The following MUSK variants were observed in gnomAD, a reference collection of about 807,000 sequenced individuals.
MUSK encodes muscle, skeletal receptor tyrosine-protein kinase.
A neutral mutation model predicts 88.7 loss-of-function variants in MUSK; 55 were observed. The observed-to-expected ratio is 0.62, with a 90% CI of 0.50 to 0.78. The LOEUF (loss-of-function observed/expected upper bound fraction) is 0.78, where lower values mean the gene tolerates loss of function less well. MUSK is among the 30% of genes least tolerant of loss of function. The pLI, the probability that MUSK is intolerant of heterozygous loss-of-function variation, is 0.00. For missense variants in MUSK, 1,015 were observed against 1,074.3 expected (o/e 0.94, Z 0.77); for synonymous variants, 387 against 391.9 (o/e 0.99, Z 0.15).
chr9:110,784,641 T>C (rs2077821189), intron 11 of MUSK, among the ~76,000 whole-genome samples, 174 bp from the exon 12 acceptor site: 2 of 152,194 alleles, frequency 1.3e-5, no homozygotes, highest in South Asian at 4.1e-4. Context: ...TATTATTCTA[T>C]AAGCTGGATT....
At chr9:110,741,987 T>C (rs1362908105) in intron 6 of MUSK, among the ~76,000 whole-genome samples, 1 of 152,224 alleles carries the variant, frequency 6.6e-6, no homozygotes, top group Non-Finnish European at 1.5e-5. Context: ...GCTAATGTTC[T>C]CTAATTTTGT....
intron 2 of MUSK, 113 bp downstream of exon 2, chr9:110,682,913 A>G: frequency 1.5e-6 from 1 of 684,424 alleles, no homozygotes; most frequent in Non-Finnish European, 2.3e-6. Flanking sequence ...ATGCAATGTA[A>G]AATAAGTACC....
intron 11 of MUSK, among the ~76,000 whole-genome samples, chr9:110,779,948 TA>T (rs2077725791): frequency 6.6e-6 from 1 of 152,190 alleles, no homozygotes; most frequent in Non-Finnish European, 1.5e-5. Context: ...CTTTTAGCTT[TA>T]AATTTCTAGT....
chr9:110,724,549 A>G (rs937550572), intron 5 of MUSK, among the ~76,000 whole-genome samples: 1 of 152,044 alleles, frequency 6.6e-6, no homozygotes, highest in African/African-American at 2.4e-5. Flanking sequence ...GGTTTCAAGC[A>G]GCGAGCCTCC....
intron 5 of MUSK, among the ~76,000 whole-genome samples, chr9:110,723,246 C>CACACAT (rs2076838392): frequency 6.6e-6 from 1 of 151,514 alleles, no homozygotes; most frequent in South Asian, 2.1e-4. Flanking sequence ...CACACACACA[C>CACACAT]ACACACACAC....
chr9:110,742,122 G>A (rs2077107885), intron 6 of MUSK, among the ~76,000 whole-genome samples: 1 of 152,034 alleles, frequency 6.6e-6, no homozygotes, highest in African/African-American at 2.4e-5. Flanking sequence ...AACTGTTATA[G>A]TCTTAAGCCT....
chr9:110,704,796 C>A (rs1043591809), intron 5 of MUSK, among the ~76,000 whole-genome samples: 1 of 151,602 alleles, frequency 6.6e-6, no homozygotes, highest in Non-Finnish European at 1.5e-5. Context: ...CCAGCCTGGC[C>A]AACATGGTGA....
chr9:110,735,541 C>G (rs945607554), intron 6 of MUSK, among the ~76,000 whole-genome samples: 2 of 151,922 alleles, frequency 1.3e-5, no homozygotes, highest in Non-Finnish European at 2.9e-5. Flanking sequence ...TGATGGATAT[C>G]AGAGGCTGGG....
At chr9:110,749,706 C>T (rs1296927950) in intron 7 of MUSK, among the ~76,000 whole-genome samples, 1 of 152,114 alleles carries the variant, frequency 6.6e-6, no homozygotes, top group African/African-American at 2.4e-5. Context: ...AAGGTCTGAA[C>T]AGCAGCAGCA....
chr9:110,790,910 T>C (rs2077962972), intron 14 of MUSK, among the ~76,000 whole-genome samples: 1 of 152,188 alleles, frequency 6.6e-6, no homozygotes, highest in Non-Finnish European at 1.5e-5. Flanking sequence ...AGGAGTTAAA[T>C]TTTACCAGAA....
intron 14 of MUSK, among the ~76,000 whole-genome samples, chr9:110,789,711 G>A (rs762305458): frequency 1.6e-4 from 25 of 152,176 alleles, no homozygotes; most frequent in Admixed American, 2.6e-4. Flanking sequence ...CCTGGGAGGC[G>A]GAGGTTGCAG....
At chr9:110,707,648 A>C (rs187385516) in intron 5 of MUSK, among the ~76,000 whole-genome samples, 2 of 152,252 alleles carry the variant, frequency 1.3e-5, no homozygotes, top group Non-Finnish European at 2.9e-5. Flanking sequence ...GAGGGCTGTC[A>C]GTCAGCAATT....
rs545246510 is a variant in MUSK at position 110,801,159 on chromosome 9, A to G, written c.*171A>G. 1.4e-4 allele frequency: 73 copies of G among 511,176 alleles called. No individual in the cohort carries two copies. The highest frequency in any genetic ancestry group is 1.3e-3 in the African/African-American group (68 of 52,710). The allele number at this position is 511,176 out of a possible 1,614,324, so 31.7% of individuals were successfully genotyped here. A position where few individuals can be genotyped will look rare whatever the true frequency, so the allele number is the denominator to read the frequency against. ...AAAGACAGTGCAAAACCCATGTGGTAGACGGACCCATTGAAAGCCAGTGAT... is the reference window on the plus strand; with the variant it reads ...AAAGACAGTGCAAAACCCATGTGGTGGACGGACCCATTGAAAGCCAGTGAT... On this transcript the variant is annotated 3_prime_UTR_variant, in exon 15 of 15. Coordinates refer to ENST00000374448, the MANE Select transcript of MUSK (RefSeq NM_005592.4).
At chr9:110,719,838 G>T (rs1401018766) in intron 5 of MUSK, among the ~76,000 whole-genome samples, 1 of 151,878 alleles carries the variant, frequency 6.6e-6, no homozygotes, top group Non-Finnish European at 1.5e-5. Flanking sequence ...CCATATGATA[G>T]GCCACAAAAC....
At chr9:110,722,580 C>G (rs1248309256) in intron 5 of MUSK, among the ~76,000 whole-genome samples, 3 of 151,420 alleles carry the variant, frequency 2.0e-5, no homozygotes, top group African/African-American at 7.3e-5. Flanking sequence ...AGCTTCTGTA[C>G]AGCAAAAGAA....
At chr9:110,678,442 C>T (rs1373234975) in intron 1 of MUSK, among the ~76,000 whole-genome samples, 1 of 152,116 alleles carries the variant, frequency 6.6e-6, no homozygotes, top group Non-Finnish European at 1.5e-5. Context: ...CTGCACCTGG[C>T]TCCTTGTAGC....
At chr9:110,787,163 C>T (rs1024757372) in intron 13 of MUSK, among the ~76,000 whole-genome samples, 1 of 152,022 alleles carries the variant, frequency 6.6e-6, no homozygotes, top group Non-Finnish European at 1.5e-5. Context: ...GAGATTGAGA[C>T]CATCCTGGCT....
chr9:110,749,637 G>T (rs2077223176), intron 7 of MUSK, among the ~76,000 whole-genome samples: 1 of 152,186 alleles, frequency 6.6e-6, no homozygotes, highest in South Asian at 2.1e-4. Flanking sequence ...GAGGTGTTAG[G>T]AGGTTGAGAA....
chr9:110,757,624 T>G (rs1355528925), intron 7 of MUSK, among the ~76,000 whole-genome samples: 1 of 151,110 alleles, frequency 6.6e-6, no homozygotes, highest in Admixed American at 6.6e-5. Flanking sequence ...TTTTGAACAC[T>G]TGCATTATTC....
Sources: allele counts gnomAD v4.1 joint callset (sites outside exome capture counted in the v4.1 genomes callset), GRCh38; gene constraint gnomAD v4.1.1; transcripts MANE v1.5; gene names NCBI Gene and HGNC (gene_info 2026-07-23, HGNC 2026-07-21).